Variants in DMRT1 observed in about 807,000 individuals in gnomAD.
The protein encoded by DMRT1 is doublesex- and mab-3-related transcription factor 1.
Under a neutral mutation model 32.3 loss-of-function variants are expected in DMRT1, and 7 were observed. That is an observed-to-expected ratio of 0.22 (90% confidence interval 0.12 to 0.41). The LOEUF (loss-of-function observed/expected upper bound fraction) is 0.41. Among genes scored for constraint, DMRT1 ranks in the 10% least tolerant of loss-of-function variants. DMRT1 has a pLI of 1.00. For synonymous variants in DMRT1, 278 were observed against 206.1 expected, an observed-to-expected ratio of 1.35 and a Z score of -2.99; for missense variants, 625 against 500.5, an observed-to-expected ratio of 1.25 and a Z score of -2.37.
chr9:860,919 G>C (rs1815630357), intron 2 of DMRT1, among the ~76,000 whole-genome samples: 1 of 152,240 alleles, frequency 6.6e-6, no homozygotes, highest in Non-Finnish European at 1.5e-5. Context: ...CAGTGGGGTT[G>C]TGTCATGGGC....
chr9:871,696 A>G (rs11790020), intron 2 of DMRT1, among the ~76,000 whole-genome samples: 2,914 of 135,202 alleles, frequency 0.022, 136 homozygotes, highest in African/African-American at 0.079. Context: ...GGATGGTCTC[A>G]ATCTCCTGAC....
chr9:917,420 G>A (rs1343903618), intron 4 of DMRT1, among the ~76,000 whole-genome samples: 1 of 152,182 alleles, frequency 6.6e-6, no homozygotes, highest in Admixed American at 6.5e-5. Context: ...AATAAAAAAT[G>A]ACTGTTTAAT....
intron 2 of DMRT1, among the ~76,000 whole-genome samples, chr9:853,292 G>C (rs746832946): frequency 3.6e-4 from 55 of 152,038 alleles, no homozygotes; most frequent in Non-Finnish European, 6.0e-4. Flanking sequence ...GTTTGCTCTT[G>C]TTGATGTACT....
intron 4 of DMRT1, among the ~76,000 whole-genome samples, chr9:924,253 G>A (rs111547542): frequency 0.033 from 5,089 of 151,918 alleles, 215 homozygotes; most frequent in African/African-American, 0.1. Flanking sequence ...TGTATTTTTA[G>A]TAGAGATGGG....
chr9:967,197 G>C (rs1819957235), intron 4 of DMRT1, among the ~76,000 whole-genome samples: 1 of 152,158 alleles, frequency 6.6e-6, no homozygotes, highest in Non-Finnish European at 1.5e-5. Flanking sequence ...CTCAGCTAAG[G>C]TTAAGAAGGT....
At chr9:949,047 C>A (rs963150503) in intron 4 of DMRT1, among the ~76,000 whole-genome samples, 3 of 151,676 alleles carry the variant, frequency 2.0e-5, no homozygotes, top group African/African-American at 7.3e-5. Flanking sequence ...GAGCTGAGAT[C>A]GTGCCACTGT....
At chr9:931,132 C>T (rs191891589) in intron 4 of DMRT1, among the ~76,000 whole-genome samples, 8 of 152,168 alleles carry the variant, frequency 5.3e-5, no homozygotes, top group East Asian at 3.9e-4. Flanking sequence ...CTTTTGTGTC[C>T]GACTTCTTTC....
intron 4 of DMRT1, among the ~76,000 whole-genome samples, chr9:937,868 T>C (rs1478767883): frequency 6.6e-6 from 1 of 152,098 alleles, no homozygotes; most frequent in Non-Finnish European, 1.5e-5. Flanking sequence ...CCAAGTTATC[T>C]AGTTTTTCTT....
chr9:896,600 G>A lies in DMRT1; in HGVS notation c.822+2405G>A, dbSNP rs562002632. 5.3e-5 allele frequency among the ~76,000 whole-genome samples: 8 copies of A among 152,190 alleles called. No individual in the cohort carries two copies. The South Asian group carries it at 1.7e-3, about 32-fold the overall frequency. The stretch of plus-strand genomic sequence containing the variant: ...GAGGCCGAGGCGGGTGGATCACGAG[G>A]TCAGGAGTTCAAGACCTGCGTGGCC... On this transcript the variant is annotated intron_variant, in intron 3 of 4. Transcript: ENST00000382276.
intron 2 of DMRT1, among the ~76,000 whole-genome samples, chr9:877,237 A>T (rs1426614981): frequency 1.3e-5 from 2 of 152,228 alleles, no homozygotes; most frequent in African/African-American, 4.8e-5. Context: ...GCTTTATTCC[A>T]AAGGAATAAA....
chr9:842,229 AG>A, intron 1 of DMRT1, 37 bp downstream of exon 1: 63 of 856,122 alleles, frequency 7.4e-5, no homozygotes, highest in Non-Finnish European at 9.1e-5. Flanking sequence ...GTTCAGCCTT[AG>A]TTTTTTTTTT....
chr9:911,633 T>C (rs10759027), intron 3 of DMRT1, among the ~76,000 whole-genome samples: 107,734 of 151,222 alleles, frequency 0.71, 39,924 homozygotes, highest in East Asian at 0.88. Flanking sequence ...GCTGGGATTA[T>C]AGGCGCCTGC....
At chr9:958,558 G>T (rs1402838371) in intron 4 of DMRT1, among the ~76,000 whole-genome samples, 1 of 152,002 alleles carries the variant, frequency 6.6e-6, no homozygotes, top group African/African-American at 2.4e-5. Context: ...GTAGAGACAG[G>T]GTTTCACCAT....
chr9:905,470 GC>G, intron 3 of DMRT1, among the ~76,000 whole-genome samples: 1 of 86,878 alleles, frequency 1.2e-5, no homozygotes, highest in South Asian at 5.1e-4. Flanking sequence ...TCACTCCCTT[GC>G]CCCTGTGTGT....
At chr9:931,658 T>TTG (rs1017174389) in intron 4 of DMRT1, among the ~76,000 whole-genome samples, 14 of 152,188 alleles carry the variant, frequency 9.2e-5, no homozygotes, top group Non-Finnish European at 1.6e-4. Flanking sequence ...CTTTTCCTCT[T>TTG]TGTGTGTGTG....
At chr9:962,766 C>G (rs1031583101) in intron 4 of DMRT1, among the ~76,000 whole-genome samples, 7 of 152,102 alleles carry the variant, frequency 4.6e-5, no homozygotes, top group African/African-American at 1.7e-4. Context: ...GGCTTCTTCC[C>G]TTTGCTTCTC....
At chr9:898,441 G>A (rs1344065720) in intron 3 of DMRT1, among the ~76,000 whole-genome samples, 1 of 152,134 alleles carries the variant, frequency 6.6e-6, no homozygotes, top group Non-Finnish European at 1.5e-5. Context: ...AGAAGTGTCA[G>A]GAACAGAGAT....
chr9:866,832 A>G (rs1816014111), intron 2 of DMRT1, among the ~76,000 whole-genome samples: 1 of 152,102 alleles, frequency 6.6e-6, no homozygotes, highest in Admixed American at 6.6e-5. Flanking sequence ...CCTCTCCCTC[A>G]ATTTTTATCT....
rs1357054404 is a variant in DMRT1 at position 902,795 on chromosome 9, T to C, written c.822+8600T>C. Reference sequence around the variant, plus strand: ...TGAGCCACCATGCCCAGCTTTCCGCTCCTTTTTATGACAGCCATGGGAACA... The same window carrying C: ...TGAGCCACCATGCCCAGCTTTCCGCCCCTTTTTATGACAGCCATGGGAACA... On this transcript the variant is annotated intron_variant, in intron 3 of 4. Coordinates refer to ENST00000382276, the MANE Select transcript of DMRT1 (RefSeq NM_021951.3). Among the ~76,000 whole-genome samples, 11 of 152,164 alleles carry C rather than the reference T, an allele frequency of 7.2e-5. No homozygotes were observed. In the East Asian group the frequency reaches 2.1e-3, roughly 29 times the overall value.
Sources: allele counts gnomAD v4.1 joint callset (sites outside exome capture counted in the v4.1 genomes callset), GRCh38; gene constraint gnomAD v4.1.1; transcripts MANE v1.5; gene names NCBI Gene and HGNC (gene_info 2026-07-23, HGNC 2026-07-21).